Variants in GRIK1 observed in about 807,000 individuals in gnomAD.
The protein encoded by GRIK1 is glutamate ionotropic receptor kainate type subunit 1, also known as glutamate receptor ionotropic, kainate 1.
A neutral mutation model predicts 105.7 loss-of-function variants in GRIK1; 69 were observed. The ratio of observed to expected loss-of-function variants is 0.65; its 90% CI spans 0.54 to 0.80. The LOEUF is 0.80. Among genes scored for constraint, GRIK1 ranks in the 30% least tolerant of loss-of-function variants. The pLI is 0.00. For synonymous variants in GRIK1, 438 were observed against 431.3 expected, an observed-to-expected ratio of 1.02 and a Z score of -0.19; for missense variants, 1,109 against 1,167.3, an observed-to-expected ratio of 0.95 and a Z score of 0.73.
At chr21:29,796,289 G>A (rs1485053134) in intron 1 of GRIK1, among the ~76,000 whole-genome samples, 1 of 152,050 alleles carries the variant, frequency 6.6e-6, no homozygotes, top group Non-Finnish European at 1.5e-5. Context: ...TGTGGTTCTT[G>A]GGTCTTTGAA....
chr21:29,921,234 T>C (rs2071183058), intron 1 of GRIK1, among the ~76,000 whole-genome samples: 1 of 152,206 alleles, frequency 6.6e-6, no homozygotes. Context: ...CGCAGTTGCA[T>C]ACAACTGTTC....
At chr21:29,774,821 T>C (rs968233896) in intron 1 of GRIK1, among the ~76,000 whole-genome samples, 1 of 152,194 alleles carries the variant, frequency 6.6e-6, no homozygotes, top group African/African-American at 2.4e-5. Flanking sequence ...GTGAGACCTG[T>C]GCAGTTGCAT....
chr21:29,843,780 A>G (rs930688395), intron 1 of GRIK1, among the ~76,000 whole-genome samples: 14 of 152,144 alleles, frequency 9.2e-5, no homozygotes, highest in African/African-American at 3.1e-4. Flanking sequence ...GGACTAACTG[A>G]GGGAGATAAT....
rs1231496706 is a variant in GRIK1 at position 29,654,832 on chromosome 21, T to G, written c.758A>C (p.Tyr253Ser). The G allele has an allele frequency of 3.2e-6, 5 of 1,585,838 alleles. No individual in the cohort carries two copies. Among genetic ancestry groups the G allele is most frequent in the Non-Finnish European group, 4.3e-6 (5 of 1,154,208 alleles). The stretch of plus-strand genomic sequence containing the variant: ...TACCAGGGTTGTGAAAAAGTAGTGA[T>G]AGTACTCGGTCATCATGCCCATGAA... ...ILFMGMMTEY[Y>S]HYFFTTLDLF... Residue 253 changes from tyrosine to serine, a missense_variant, in exon 5 of 18, where the codon TAT becomes TCT. Physicochemically the swap from Tyr to Ser is moderately radical, Grantham distance 144 (BLOSUM62 -2). Coordinates refer to ENST00000327783, the MANE Select transcript of GRIK1 (RefSeq NM_001330994.2).
chr21:29,651,021 T>C (rs2062724129), intron 6 of GRIK1, 97 bp downstream of exon 6: 1 of 900,952 alleles, frequency 1.1e-6, no homozygotes, highest in Admixed American at 2.8e-5. Flanking sequence ...AGGCACCCAC[T>C]GTAACACTTT....
chr21:29,592,902 A>G (rs2061352606), intron 9 of GRIK1, among the ~76,000 whole-genome samples: 1 of 152,214 alleles, frequency 6.6e-6, no homozygotes, highest in South Asian at 2.1e-4. Flanking sequence ...CCGCTCTGAG[A>G]TGGACAGGGT....
chr21:29,775,926 T>A (rs374447929), intron 1 of GRIK1, among the ~76,000 whole-genome samples: 1 of 152,148 alleles, frequency 6.6e-6, no homozygotes, highest in South Asian at 2.1e-4. Flanking sequence ...ACTGGGTAAT[T>A]TATAAAGGAA....
intron 8 of GRIK1, 111 bp from the exon 9 acceptor site, chr21:29,596,681 C>T: frequency 1.2e-6 from 1 of 801,352 alleles, no homozygotes; most frequent in Non-Finnish European, 2.2e-6. Context: ...AGTTCCCACC[C>T]ATTGTTTGGA....
chr21:29,891,757 A>T (rs925121182), intron 1 of GRIK1, among the ~76,000 whole-genome samples: 6 of 152,186 alleles, frequency 3.9e-5, no homozygotes, highest in Non-Finnish European at 7.4e-5. Context: ...AAATATAAAA[A>T]TTTTTTCAGT....
chr21:29,753,743 T>C (rs937219253), intron 1 of GRIK1, among the ~76,000 whole-genome samples: 4 of 152,190 alleles, frequency 2.6e-5, no homozygotes, highest in Admixed American at 1.3e-4. Context: ...TGATTTCATG[T>C]ACAGGTGTAT....
intron 1 of GRIK1, among the ~76,000 whole-genome samples, chr21:29,766,411 G>GC (rs948188990): frequency 9.2e-5 from 14 of 152,106 alleles, no homozygotes; most frequent in Non-Finnish European, 1.8e-4. Context: ...GCACAGGGCA[G>GC]CCCCCCACAA....
chr21:29,901,917 A>C (rs2070424824), intron 1 of GRIK1, among the ~76,000 whole-genome samples: 1 of 90,756 alleles, frequency 1.1e-5, no homozygotes, highest in South Asian at 4.3e-4. Flanking sequence ...CTGGCAAACC[A>C]ATCCAGCAGC....
intron 1 of GRIK1, among the ~76,000 whole-genome samples, chr21:29,852,367 C>T (rs779589570): frequency 1.5e-4 from 23 of 152,146 alleles, no homozygotes; most frequent in Non-Finnish European, 2.2e-4. Flanking sequence ...ACCAAGAAGG[C>T]CCCCTACCTG....
At chr21:29,589,851 C>T (rs570729505) in intron 10 of GRIK1, among the ~76,000 whole-genome samples, 1 of 152,266 alleles carries the variant, frequency 6.6e-6, no homozygotes, top group East Asian at 1.9e-4. Flanking sequence ...TTTCACTATT[C>T]ACTTATGATT....
intron 1 of GRIK1, among the ~76,000 whole-genome samples, chr21:29,816,388 C>T (rs957412225): frequency 1.3e-5 from 2 of 151,906 alleles, no homozygotes; most frequent in Non-Finnish European, 2.9e-5. Context: ...AACAGTATAG[C>T]GATTTCTCAA....
intron 1 of GRIK1, among the ~76,000 whole-genome samples, chr21:29,888,195 TTCTCTCTCTCTC>T (rs780446480): frequency 2.7e-4 from 6 of 22,204 alleles, no homozygotes; most frequent in Non-Finnish European, 9.4e-4. Flanking sequence ...CTTTCTTTCT[TTCTCTCTCTCTC>T]TCTCTCTCTC....
chr21:29,800,200 C>T (rs1424260437), intron 1 of GRIK1, among the ~76,000 whole-genome samples: 1 of 152,152 alleles, frequency 6.6e-6, no homozygotes, highest in Non-Finnish European at 1.5e-5. Flanking sequence ...GCCTACATAG[C>T]CCAAAGCACT....
At chr21:29,715,756 T>C (rs780132978) in intron 1 of GRIK1, among the ~76,000 whole-genome samples, 15 of 151,066 alleles carry the variant, frequency 9.9e-5, no homozygotes, top group Non-Finnish European at 1.8e-4. Context: ...CCTTTCTACC[T>C]AAGAGTAGCT....
intron 1 of GRIK1, among the ~76,000 whole-genome samples, chr21:29,697,899 CTCTTT>C (rs1308314032): frequency 2.7e-5 from 4 of 149,868 alleles, no homozygotes; most frequent in African/African-American, 9.9e-5. Flanking sequence ...CCTTTCCTTT[CTCTTT>C]TCTTTCTTTC....
Sources: gnomAD v4.1 joint callset for allele counts (sites outside exome capture counted in the v4.1 genomes callset) on GRCh38, gnomAD v4.1.1 for gene constraint, MANE v1.5 for transcripts, NCBI Gene and HGNC (gene_info 2026-07-23, HGNC 2026-07-21) for gene names.